Variants in JMJD1C observed in about 807,000 individuals in gnomAD.
JMJD1C encodes the protein jumonji domain-containing protein 1C.
In JMJD1C, 31 loss-of-function variants were observed where a neutral mutation model predicts 245.3. That is an observed-to-expected ratio of 0.13 (90% CI 0.09 to 0.17). The LOEUF (loss-of-function observed/expected upper bound fraction) is 0.17. Among genes scored for constraint, JMJD1C ranks in the 10% least tolerant of loss-of-function variants. JMJD1C has a pLI of 1.00. For missense variants in JMJD1C, 2,691 were observed against 3,000.2 expected (o/e 0.90, Z 2.41); for synonymous variants, 1,057 against 1,017.4 (o/e 1.04, Z -0.74).
intron 1 of JMJD1C, among the ~76,000 whole-genome samples, chr10:63,494,311 CAAA>C (rs1040052739): frequency 1.8e-5 from 2 of 112,322 alleles, no homozygotes; most frequent in Non-Finnish European, 1.9e-5. Flanking sequence ...AACTCCGTCT[CAAA>C]AAAAAAAAAA....
chr10:63,245,885 A>T (rs1475956867), intron 3 of JMJD1C, among the ~76,000 whole-genome samples: 2 of 152,244 alleles, frequency 1.3e-5, no homozygotes, highest in African/African-American at 4.8e-5. Context: ...GGACCCTCCC[A>T]GGACATGTGG....
At chr10:63,395,145 A>G (rs1009382331) in intron 1 of JMJD1C, among the ~76,000 whole-genome samples, 4 of 152,282 alleles carry the variant, frequency 2.6e-5, no homozygotes, top group Non-Finnish European at 5.9e-5. Context: ...AAATACAAAT[A>G]AAGACCACAA....
chr10:63,366,778 AAT>A (rs1308267915), intron 2 of JMJD1C, among the ~76,000 whole-genome samples: 1 of 152,254 alleles, frequency 6.6e-6, no homozygotes, highest in African/African-American at 2.4e-5. Flanking sequence ...GGGACTGAGA[AAT>A]GATGGATCCA....
chr10:63,251,447 A>T (rs199592026), intron 3 of JMJD1C, among the ~76,000 whole-genome samples: 1 of 152,190 alleles, frequency 6.6e-6, no homozygotes, highest in Non-Finnish European at 1.5e-5. Context: ...AAGATTCCTC[A>T]TTTATAATTA....
chr10:63,421,470 G>C (rs1392995164), intron 1 of JMJD1C, among the ~76,000 whole-genome samples: 1 of 152,214 alleles, frequency 6.6e-6, no homozygotes, highest in African/African-American at 2.4e-5. Flanking sequence ...TGGAGGTTCT[G>C]GAGTGCTGGC....
Position 63,215,016 on chromosome 10 carries a change from G to A in JMJD1C, c.1151C>T (p.Ser384Leu), listed in dbSNP as rs1847815193. The change falls in exon 8 of 26, where the codon TCA becomes TTA. Residue 384 changes from serine to leucine, a missense_variant. This residue lies in a region of JMJD1C where 1,562 missense variants were observed against 1,490.7 expected (regional missense o/e 1.05). Coordinates refer to ENST00000399262, the MANE Select transcript of JMJD1C (RefSeq NM_032776.3). ...GGAATTATCTATTATTCTCTTATTT[G>A]AATTTTCTGAGTCACTGCTCTCAGA... ...DFSESSDSEN[S>L]NKRIIDNSSE... 1 of 1,601,912 alleles carries A rather than the reference G, an allele frequency of 6.2e-7. No individual in the cohort carries two copies.
intron 3 of JMJD1C, among the ~76,000 whole-genome samples, chr10:63,249,402 G>A (rs1274844086): frequency 6.6e-6 from 1 of 152,146 alleles, no homozygotes; most frequent in Non-Finnish European, 1.5e-5. Context: ...TTAGGGTTGG[G>A]GGAGGGAGGA....
In JMJD1C at chr10:63,167,329, A is replaced by T. The variant is rs1252623072; in HGVS notation, c.*716T>A. 1 of 152,572 alleles carries T rather than the reference A, an allele frequency of 6.6e-6. No individual in the cohort carries two copies. Among genetic ancestry groups the T allele is most frequent in the East Asian group, 1.9e-4 (1 of 5,204 alleles). The allele number at this position is 152,572 out of a possible 1,614,324, so 9.5% of individuals were successfully genotyped here. On this transcript the variant is annotated 3_prime_UTR_variant, in exon 26 of 26. Transcript: ENST00000399262. Reference sequence around the variant, plus strand: ...TTTAACAAAAGCAAGCCAATGTTTTAAAAAAATACATCATTAAATGTATAT... The same window carrying T: ...TTTAACAAAAGCAAGCCAATGTTTTTAAAAAATACATCATTAAATGTATAT...
Position 63,208,313 on chromosome 10 carries a change from C to T in JMJD1C, c.3356G>A (p.Gly1119Asp), listed in dbSNP as rs764588332. The change falls in exon 10 of 26, where the codon GGT becomes GAT. Residue 1119 changes from glycine to aspartate, a missense_variant. By Grantham distance (94) the Gly-to-Asp change is moderately conservative. Around this residue, in one of 9 missense-constraint regions of JMJD1C, gnomAD observed 1,562 missense variants for 1,490.7 expected, o/e 1.05. Transcript: ENST00000399262. ...YPSKEVSNIY[G>D]DKQSNALAAA... ...TGCAAGGGCATTACTCTGTTTATCA[C>T]CGTAAATATTTGAAACTTCTTTGGA... is the stretch of plus-strand genomic sequence containing the variant. The T allele has an allele frequency of 2.5e-6, 4 of 1,613,990 alleles. No homozygotes were observed. The highest frequency in any genetic ancestry group is 1.6e-4 in the Middle Eastern group (1 of 6,062).
intron 16 of JMJD1C, among the ~76,000 whole-genome samples, chr10:63,192,184 C>G (rs762224552): frequency 7.0e-6 from 1 of 143,002 alleles, no homozygotes; most frequent in African/African-American, 2.6e-5. Flanking sequence ...TCTGGGAAGA[C>G]GAGGTAGACT....
chr10:63,333,556 A>G lies in JMJD1C; in HGVS notation c.333+46762T>C, dbSNP rs1418969099. ...TCAAAAAAAAGAAAAAAGAGAGAGA[A>G]AGAAAGGCAAAACACTATTACTGAC... is the stretch of plus-strand genomic sequence containing the variant. On this transcript the variant is annotated intron_variant, in intron 2 of 25. Transcript: ENST00000399262. Among the ~76,000 whole-genome samples, 4 of 152,154 alleles carry G rather than the reference A, an allele frequency of 2.6e-5. No homozygotes were observed. In the East Asian group the frequency reaches 5.8e-4, roughly 22 times the overall value.
At chr10:63,236,212 GTT>G (rs1850712339) in intron 3 of JMJD1C, among the ~76,000 whole-genome samples, 2 of 152,036 alleles carry the variant, frequency 1.3e-5, no homozygotes, top group Non-Finnish European at 2.9e-5. Flanking sequence ...GGGTTTCTTG[GTT>G]GATCACCCAA....
chr10:63,299,343 C>G (rs1407169388), intron 2 of JMJD1C, among the ~76,000 whole-genome samples: 2 of 146,340 alleles, frequency 1.4e-5, no homozygotes, highest in Non-Finnish European at 3.0e-5. Flanking sequence ...CCACCACACC[C>G]AGCTAATTTT....
chr10:63,176,970 T>C (rs76270630), intron 23 of JMJD1C: 2,004 of 153,188 alleles, frequency 0.013, 30 homozygotes, highest in African/African-American at 0.034. Context: ...TAATCTGCTT[T>C]AGAAGGCACA....
chr10:63,518,186 T>C (rs1955083080), intron 1 of JMJD1C, among the ~76,000 whole-genome samples: 1 of 152,146 alleles, frequency 6.6e-6, no homozygotes, highest in Non-Finnish European at 1.5e-5. Flanking sequence ...ACACAGAAAT[T>C]ATAAACACCC....
intron 3 of JMJD1C, among the ~76,000 whole-genome samples, chr10:63,224,019 T>C (rs569156865): frequency 1.3e-3 from 201 of 152,342 alleles, no homozygotes; most frequent in Admixed American, 7.3e-3. Flanking sequence ...CCCAATGGGA[T>C]TACAGGCATG....
intron 13 of JMJD1C, among the ~76,000 whole-genome samples, chr10:63,195,949 T>TA (rs889706322): frequency 7.0e-6 from 1 of 143,656 alleles, no homozygotes; most frequent in Non-Finnish European, 1.5e-5. Flanking sequence ...AAAAGAATGA[T>TA]ACGGTAACAA....
At chr10:63,448,945 C>T (rs1472926957) in intron 1 of JMJD1C, among the ~76,000 whole-genome samples, 2 of 151,994 alleles carry the variant, frequency 1.3e-5, no homozygotes, top group Non-Finnish European at 2.9e-5. Context: ...GGTGAAACCC[C>T]TTCTCTACTA....
chr10:63,191,273 A>C (rs913096296), intron 16 of JMJD1C, among the ~76,000 whole-genome samples, 165 bp from the exon 17 acceptor site: 1 of 152,148 alleles, frequency 6.6e-6, no homozygotes, highest in Non-Finnish European at 1.5e-5. Context: ...CTGGGACTAC[A>C]GGCATGTGCC....
Sources: allele counts gnomAD v4.1 joint callset (sites outside exome capture counted in the v4.1 genomes callset), GRCh38; gene constraint gnomAD v4.1.1; regional missense constraint gnomAD v4.1.1; transcripts MANE v1.5; gene names NCBI Gene and HGNC (gene_info 2026-07-23, HGNC 2026-07-21).